SLC24A2: variants seen among roughly 807,000 people sequenced by gnomAD.
The protein encoded by SLC24A2 is sodium/potassium/calcium exchanger 2.
SLC24A2 carries 36 observed loss-of-function variants against 62.0 expected under a neutral mutation model. That is an observed-to-expected ratio of 0.58 (90% CI 0.44 to 0.77). The LOEUF (loss-of-function observed/expected upper bound fraction) is 0.77, where lower values mean the gene tolerates loss of function less well. Ranked by LOEUF, SLC24A2 falls within the 30% of genes least tolerant of loss-of-function variation. SLC24A2 has a pLI of 0.00. For missense variants in SLC24A2, 846 were observed against 817.9 expected (o/e 1.03, Z -0.42); for synonymous variants, 358 against 294.0 (o/e 1.22, Z -2.23).
the SLC24A2 span, among the ~76,000 whole-genome samples, chr9:19,836,764 A>C: frequency 6.6e-6 from 1 of 152,190 alleles, no homozygotes; most frequent in African/African-American, 2.4e-5. Context: ...AGCCTGGCAG[A>C]GACACAACCA....
the SLC24A2 span, among the ~76,000 whole-genome samples, chr9:19,854,851 T>G: frequency 6.6e-6 from 1 of 152,174 alleles, no homozygotes; most frequent in Non-Finnish European, 1.5e-5. Flanking sequence ...TCTTTGTTAA[T>G]TTTTTGTCTT....
the SLC24A2 span, among the ~76,000 whole-genome samples, chr9:19,915,674 CCTTTTT>C: frequency 6.6e-6 from 1 of 152,024 alleles, no homozygotes; most frequent in African/African-American, 2.4e-5. Flanking sequence ...TTCTTATTTG[CCTTTTT>C]CTAATTCCTA....
At chr9:19,631,004 T>C (rs181423935) in intron 2 of SLC24A2, among the ~76,000 whole-genome samples, 20 of 152,256 alleles carry the variant, frequency 1.3e-4, no homozygotes, top group Non-Finnish European at 2.8e-4. Context: ...CACATTCCAT[T>C]TCCACTGTGT....
chr9:19,850,968 T>TAC, the SLC24A2 span, among the ~76,000 whole-genome samples: 5 of 13,352 alleles, frequency 3.7e-4, no homozygotes, highest in African/African-American at 6.2e-4. Flanking sequence ...TATATATATG[T>TAC]ATATATATAT....
intron 2 of SLC24A2, among the ~76,000 whole-genome samples, chr9:19,731,835 T>C (rs1173397290): frequency 1.3e-5 from 2 of 152,214 alleles, no homozygotes; most frequent in East Asian, 3.9e-4. Flanking sequence ...CACAGCAACC[T>C]GTTAGCAGGA....
intron 2 of SLC24A2, among the ~76,000 whole-genome samples, chr9:19,730,096 C>T (rs1424850501): frequency 1.3e-5 from 2 of 152,104 alleles, no homozygotes; most frequent in African/African-American, 4.8e-5. Context: ...CTGCAGGGTA[C>T]CCACAGCAGC....
the SLC24A2 span, among the ~76,000 whole-genome samples, chr9:20,260,613 C>T: frequency 5.7e-3 from 870 of 152,166 alleles, 11 homozygotes; most frequent in African/African-American, 0.02. Flanking sequence ...CCACAGACTT[C>T]GTAATTTCCT....
At chr9:19,844,266 T>G in the SLC24A2 span, among the ~76,000 whole-genome samples, 1 of 152,186 alleles carries the variant, frequency 6.6e-6, no homozygotes, top group Non-Finnish European at 1.5e-5. Flanking sequence ...TCTCTAGTGA[T>G]CAATGACGTT....
At chr9:20,271,125 G>C in the SLC24A2 span, among the ~76,000 whole-genome samples, 4 of 152,052 alleles carry the variant, frequency 2.6e-5, no homozygotes, top group African/African-American at 9.7e-5. Context: ...TTCCCATAAA[G>C]GGCTCCCATA....
the SLC24A2 span, among the ~76,000 whole-genome samples, chr9:20,211,304 G>A: frequency 6.6e-6 from 1 of 152,122 alleles, no homozygotes; most frequent in Non-Finnish European, 1.5e-5. Flanking sequence ...CCTGAGGTCA[G>A]GAGTTCAAGA....
chr9:20,023,810 C>G, the SLC24A2 span, among the ~76,000 whole-genome samples: 1 of 152,170 alleles, frequency 6.6e-6, no homozygotes, highest in African/African-American at 2.4e-5. Context: ...CCTCCTGCCC[C>G]CCACTAGAAG....
the SLC24A2 span, among the ~76,000 whole-genome samples, chr9:20,246,687 A>G: frequency 5.9e-5 from 9 of 152,260 alleles, no homozygotes; most frequent in African/African-American, 2.2e-4. Context: ...CATGGGAAGG[A>G]AGGGAGAAGC....
chr9:20,155,738 C>T, the SLC24A2 span, among the ~76,000 whole-genome samples: 1 of 151,672 alleles, frequency 6.6e-6, no homozygotes, highest in East Asian at 1.9e-4. Context: ...ATGCCATCAA[C>T]ATAATTTTAA....
chr9:20,059,188 C>A, the SLC24A2 span, among the ~76,000 whole-genome samples: 1 of 152,118 alleles, frequency 6.6e-6, no homozygotes, highest in African/African-American at 2.4e-5. Flanking sequence ...CCTGGATTAT[C>A]CAGCTTGGCG....
the SLC24A2 span, among the ~76,000 whole-genome samples, chr9:19,994,654 G>C: frequency 2.0e-5 from 3 of 152,158 alleles, no homozygotes; most frequent in Non-Finnish European, 4.4e-5. Flanking sequence ...TTGGCAAGCA[G>C]AGTGGCTTCC....
At chr9:20,032,733 A>G in the SLC24A2 span, among the ~76,000 whole-genome samples, 2 of 152,140 alleles carry the variant, frequency 1.3e-5, no homozygotes, top group Non-Finnish European at 2.9e-5. Flanking sequence ...TTGCCCTTAG[A>G]GTTTCTTGCC....
the SLC24A2 span, among the ~76,000 whole-genome samples, chr9:20,199,503 C>A: frequency 6.6e-6 from 1 of 152,066 alleles, no homozygotes; most frequent in African/African-American, 2.4e-5. Context: ...TATGAGGCAT[C>A]TTGAGAGTGT....
chr9:20,184,091 T>G, the SLC24A2 span, among the ~76,000 whole-genome samples: 1 of 151,880 alleles, frequency 6.6e-6, no homozygotes, highest in African/African-American at 2.4e-5. Context: ...ATAACCCAAT[T>G]TAAAAATGGG....
chr9:20,074,329 C>G, the SLC24A2 span, among the ~76,000 whole-genome samples: 249 of 151,950 alleles, frequency 1.6e-3, no homozygotes, highest in African/African-American at 5.9e-3. Flanking sequence ...GTTCTCATTG[C>G]TTTGTGTGTG....
Sources: gnomAD v4.1 joint callset for allele counts (sites outside exome capture counted in the v4.1 genomes callset) on GRCh38, gnomAD v4.1.1 for gene constraint, MANE v1.5 for transcripts, NCBI Gene and HGNC (gene_info 2026-07-23, HGNC 2026-07-21) for gene names.